PKP2: variants seen among roughly 807,000 people sequenced by gnomAD.
The protein encoded by PKP2 is plakophilin 2.
Under a neutral mutation model 83.4 loss-of-function variants are expected in PKP2, and 73 were observed. The observed-to-expected ratio is 0.88, with a 90% CI of 0.72 to 1.06. The LOEUF is 1.06. Ranked by LOEUF, PKP2 falls within the 50% of genes least tolerant of loss-of-function variation. The pLI, the probability that PKP2 is intolerant of heterozygous loss-of-function variation, is 0.00. For synonymous variants in PKP2, 409 were observed against 430.4 expected, an observed-to-expected ratio of 0.95 and a Z score of 0.62; for missense variants, 966 against 1,065.4, an observed-to-expected ratio of 0.91 and a Z score of 1.30.
At chr12:32,890,908 C>T (rs1431265478) in intron 1 of PKP2, among the ~76,000 whole-genome samples, 3 of 146,530 alleles carry the variant, frequency 2.0e-5, no homozygotes, top group East Asian at 2.0e-4. Context: ...TGCAGTGAGC[C>T]GAGATCGTAC....
chr12:32,842,711 G>C (rs1287477329), intron 5 of PKP2, among the ~76,000 whole-genome samples: 2 of 151,882 alleles, frequency 1.3e-5, no homozygotes, highest in Admixed American at 1.3e-4. Context: ...GTACTGCTTT[G>C]TTGCCAAGGC....
chr12:32,806,338 G>T (rs552757682), intron 9 of PKP2, among the ~76,000 whole-genome samples: 1 of 152,194 alleles, frequency 6.6e-6, no homozygotes, highest in South Asian at 2.1e-4. Flanking sequence ...AAATCTGTCT[G>T]GTCCTGGGTT....
At chr12:32,860,884 C>T (rs559665440) in intron 4 of PKP2, among the ~76,000 whole-genome samples, 7 of 152,010 alleles carry the variant, frequency 4.6e-5, no homozygotes, top group Admixed American at 2.0e-4. Flanking sequence ...AAAAATTAGC[C>T]GGGCATGGTG....
chr12:32,822,974 T>C (rs1194351229), intron 7 of PKP2, among the ~76,000 whole-genome samples: 4 of 152,220 alleles, frequency 2.6e-5, no homozygotes, highest in Admixed American at 2.6e-4. Context: ...TAGGAGGCTA[T>C]TGCAATAATC....
At chr12:32,816,476 T>A (rs1282542290) in intron 9 of PKP2, among the ~76,000 whole-genome samples, 1 of 152,218 alleles carries the variant, frequency 6.6e-6, no homozygotes, top group Non-Finnish European at 1.5e-5. Context: ...ATTTTCTTTA[T>A]CCAATCCACC....
chr12:32,850,974 C>G lies in PKP2; in HGVS notation c.1171-1G>C. 1 of 1,613,382 alleles carries G rather than the reference C, an allele frequency of 6.2e-7. No homozygotes were observed. Among genetic ancestry groups the G allele is most frequent in the Non-Finnish European group, 8.5e-7 (1 of 1,179,568 alleles). ...TGAGGATGCCACGAAGCTGGTTAAC[C>G]TGGGGAAGAAGCAGATGCATATTTC... On this transcript the variant is annotated splice_acceptor_variant, in intron 4 of 12. Coordinates refer to ENST00000340811, the MANE Select transcript of PKP2 (RefSeq NM_001005242.3). LOFTEE classifies it high-confidence loss of function.
intron 10 of PKP2, among the ~76,000 whole-genome samples, chr12:32,797,369 T>C (rs1344884809): frequency 1.4e-5 from 2 of 139,436 alleles, no homozygotes; most frequent in African/African-American, 5.3e-5. Context: ...TTGCTTGAGC[T>C]TGGGAGGCAG....
rs574057866 is a variant in PKP2 at position 32,821,607 on chromosome 12, A to C, written c.1840-78T>G. 17 of 1,389,200 alleles carry C rather than the reference A, an allele frequency of 1.2e-5. No homozygotes were observed. In the African/African-American group the frequency reaches 2.4e-4, roughly 20 times the overall value. 86.1% of individuals were successfully genotyped at this position (1,389,200 alleles called of 1,614,324 possible). On this transcript the variant is annotated intron_variant, in intron 8 of 12. Transcript: ENST00000340811. ...AATTTCACACTCAAACCAGGAGACC[A>C]GAAATACTGTCTAGAAAGGCTCATA...
intron 5 of PKP2, among the ~76,000 whole-genome samples, chr12:32,842,784 C>T (rs1592747299): frequency 6.6e-6 from 1 of 152,198 alleles, no homozygotes; most frequent in Non-Finnish European, 1.5e-5. Flanking sequence ...AAGCAATTCT[C>T]CTGCCTCAGC....
At chr12:32,886,928 G>A (rs1360319864) in intron 1 of PKP2, among the ~76,000 whole-genome samples, 1 of 151,986 alleles carries the variant, frequency 6.6e-6, no homozygotes, top group African/African-American at 2.4e-5. Flanking sequence ...GAGCCCTGGA[G>A]ACAGAAGTTG....
intron 4 of PKP2, among the ~76,000 whole-genome samples, chr12:32,862,045 C>T (rs568082707): frequency 3.3e-5 from 5 of 152,024 alleles, no homozygotes; most frequent in Non-Finnish European, 7.4e-5. Flanking sequence ...TTACAGGCAC[C>T]CGCCACCACA....
intron 4 of PKP2, among the ~76,000 whole-genome samples, chr12:32,854,157 C>T (rs992088887): frequency 1.3e-5 from 2 of 152,178 alleles, no homozygotes; most frequent in Non-Finnish European, 2.9e-5. Context: ...AAATGGCTTA[C>T]TGGCCATATT....
intron 4 of PKP2, among the ~76,000 whole-genome samples, chr12:32,854,420 T>G (rs960752774): frequency 2.0e-5 from 3 of 152,254 alleles, no homozygotes; most frequent in Non-Finnish European, 4.4e-5. Context: ...TTAGTTACTT[T>G]CATCCATTTT....
chr12:32,863,615 T>C (rs1435295756), intron 4 of PKP2, among the ~76,000 whole-genome samples: 1 of 151,994 alleles, frequency 6.6e-6, no homozygotes, highest in East Asian at 1.9e-4. Flanking sequence ...TTACCAAAGC[T>C]CACTAAAAAA....
At chr12:32,871,560 G>A (rs186397095) in intron 3 of PKP2, among the ~76,000 whole-genome samples, 55 of 152,066 alleles carry the variant, frequency 3.6e-4, no homozygotes, top group Non-Finnish European at 6.5e-4. Context: ...CTGCCTCCCA[G>A]GTTCAAGCAA....
At chr12:32,857,836 A>G (rs548058780) in intron 4 of PKP2, among the ~76,000 whole-genome samples, 1 of 151,776 alleles carries the variant, frequency 6.6e-6, no homozygotes, top group African/African-American at 2.4e-5. Flanking sequence ...GTAATTTAAG[A>G]GATAGTAGAA....
At position 32,841,072 on chromosome 12, in the gene PKP2, AC is replaced by A. The variant is rs794729137; in HGVS notation, c.1511del (p.Gly504ValfsTer15). On this transcript the variant is annotated frameshift_variant, in exon 6 of 13. Coordinates refer to ENST00000340811, the MANE Select transcript of PKP2 (RefSeq NM_001005242.3). LOFTEE classifies it high-confidence loss of function. ...WPEGDYPKANGLLDFDIFYNV... is the reference protein window; with the variant it reads ...WPEGDYPKANXLLDFDIFYNV... Reference sequence around the variant, plus strand: ...TGTAGAATATGTCAAAATCGAGCAAACCATTTGCTTTTGGGTAGTCTCCTTC... The same window carrying A: ...TGTAGAATATGTCAAAATCGAGCAAACATTTGCTTTTGGGTAGTCTCCTTC... The A allele has an allele frequency of 5.0e-6, 8 of 1,613,750 alleles. No homozygotes were observed. Among genetic ancestry groups the A allele is most frequent in the African/African-American group, 4.0e-5 (3 of 74,880 alleles).
intron 6 of PKP2, among the ~76,000 whole-genome samples, chr12:32,834,175 A>G (rs1051698189): frequency 6.6e-6 from 1 of 152,208 alleles, no homozygotes; most frequent in African/African-American, 2.4e-5. Flanking sequence ...ATGCATTGTC[A>G]TGATCTCTTC....
intron 9 of PKP2, among the ~76,000 whole-genome samples, chr12:32,817,278 T>C (rs566709248): frequency 4.7e-4 from 71 of 152,352 alleles, no homozygotes; most frequent in Non-Finnish European, 9.3e-4. Flanking sequence ...TAAAAATTAA[T>C]TCAAGATGGA....
Sources: allele counts gnomAD v4.1 joint callset (sites outside exome capture counted in the v4.1 genomes callset), GRCh38; gene constraint gnomAD v4.1.1; transcripts MANE v1.5; gene names NCBI Gene and HGNC (gene_info 2026-07-23, HGNC 2026-07-21).